Variants in CPS1 observed in about 807,000 individuals in gnomAD.
CPS1 encodes carbamoyl-phosphate synthase 1, also known as carbamoyl-phosphate synthase [ammonia], mitochondrial.
Under a neutral mutation model 174.6 loss-of-function variants are expected in CPS1, and 109 were observed. That is an observed-to-expected ratio of 0.62 (90% CI 0.53 to 0.73). CPS1 has a LOEUF of 0.73. CPS1 is among the 30% of genes least tolerant of loss of function. The probability of loss-of-function intolerance (pLI) is 0.00; values close to 1 mark genes in which losing one functional copy is unlikely to be tolerated. For synonymous variants in CPS1, 637 were observed against 632.0 expected, an observed-to-expected ratio of 1.01 and a Z score of -0.12; for missense variants, 1,689 against 1,821.9, an observed-to-expected ratio of 0.93 and a Z score of 1.33.
intron 1 of CPS1, among the ~76,000 whole-genome samples, chr2:210,567,133 C>T (rs1697329676): frequency 6.6e-6 from 1 of 152,068 alleles, no homozygotes; most frequent in Non-Finnish European, 1.5e-5. Context: ...GTCTACCAGA[C>T]ATGCTTAAGA....
chr2:210,505,363 G>A (rs1266188834), intron 1 of CPS1, among the ~76,000 whole-genome samples: 1 of 152,020 alleles, frequency 6.6e-6, no homozygotes, highest in Non-Finnish European at 1.5e-5. Flanking sequence ...AGAAAACAGT[G>A]ATAATCTCAA....
chr2:210,561,026 A>C (rs1467004502), intron 1 of CPS1, among the ~76,000 whole-genome samples: 1 of 152,188 alleles, frequency 6.6e-6, no homozygotes, highest in African/African-American at 2.4e-5. Flanking sequence ...TTGGCATGCA[A>C]TACTTCTCTA....
intron 1 of CPS1, among the ~76,000 whole-genome samples, chr2:210,497,891 T>TAC (rs200242153): frequency 2.7e-5 from 3 of 112,700 alleles, no homozygotes; most frequent in African/African-American, 1.0e-4. Context: ...AATATATACA[T>TAC]ACATATATAT....
chr2:210,514,653 T>C (rs1043065928), intron 1 of CPS1, among the ~76,000 whole-genome samples: 7 of 151,946 alleles, frequency 4.6e-5, no homozygotes, highest in Non-Finnish European at 1.0e-4. Flanking sequence ...TCTTTACCTA[T>C]TTGGATGCCT....
At chr2:210,508,533 C>A (rs550674059) in intron 1 of CPS1, among the ~76,000 whole-genome samples, 2,125 of 152,102 alleles carry the variant, frequency 0.014, 25 homozygotes, top group Non-Finnish European at 0.022. Flanking sequence ...AAGATCAGAG[C>A]AGAACTGAAG....
At chr2:210,610,133 C>T (rs1241213571) in intron 19 of CPS1, among the ~76,000 whole-genome samples, 1 of 151,912 alleles carries the variant, frequency 6.6e-6, no homozygotes, top group Non-Finnish European at 1.5e-5. Flanking sequence ...CCATGAAAAT[C>T]TATGTTGCTA....
intron 21 of CPS1, among the ~76,000 whole-genome samples, chr2:210,633,445 AG>A (rs1210719865): frequency 6.6e-6 from 1 of 152,178 alleles, no homozygotes; most frequent in Non-Finnish European, 1.5e-5. Context: ...TAGAGGCAGA[AG>A]ACTTTGTATA....
intron 37 of CPS1, 78 bp downstream of exon 37, chr2:210,677,214 C>A: frequency 7.4e-7 from 1 of 1,352,402 alleles, no homozygotes; most frequent in Non-Finnish European, 1.1e-6. Flanking sequence ...TCAGTAGATG[C>A]ACATCTCTCT....
chr2:210,650,319 A>AT, intron 27 of CPS1, 44 bp from the exon 28 acceptor site: 1 of 1,493,442 alleles, frequency 6.7e-7, no homozygotes, highest in Non-Finnish European at 9.3e-7. Context: ...CAAGTCTAGT[A>AT]TTAGCATAAA....
intron 32 of CPS1, among the ~76,000 whole-genome samples, chr2:210,661,346 A>G (rs1437460823): frequency 6.6e-6 from 1 of 152,222 alleles, no homozygotes; most frequent in Non-Finnish European, 1.5e-5. Flanking sequence ...CATGAGGATT[A>G]GTGATATATA....
chr2:210,532,405 C>T (rs1278359822), intron 1 of CPS1, among the ~76,000 whole-genome samples: 1 of 152,124 alleles, frequency 6.6e-6, no homozygotes, highest in Non-Finnish European at 1.5e-5. Flanking sequence ...TGGCTTTATA[C>T]TTAGCAGTTC....
chr2:210,648,133 A>C, intron 26 of CPS1, 76 bp downstream of exon 26: 1 of 1,416,410 alleles, frequency 7.1e-7, no homozygotes, highest in African/African-American at 1.4e-5. Context: ...CTGAATGTTG[A>C]CTATTGGATA....
At chr2:210,501,806 T>C (rs1695145672) in intron 1 of CPS1, among the ~76,000 whole-genome samples, 1 of 152,154 alleles carries the variant, frequency 6.6e-6, no homozygotes, top group Non-Finnish European at 1.5e-5. Flanking sequence ...AACCTCTGCC[T>C]GTTACCCACT....
intron 34 of CPS1, among the ~76,000 whole-genome samples, chr2:210,668,578 T>G (rs2105933639): frequency 6.6e-6 from 1 of 152,236 alleles, no homozygotes; most frequent in South Asian, 2.1e-4. Flanking sequence ...ATTCTTTGGT[T>G]TTGTCTTTTC....
chr2:210,554,593 G>C (rs1246222088), upstream of CPS1, among the ~76,000 whole-genome samples: 2 of 151,728 alleles, frequency 1.3e-5, no homozygotes, highest in East Asian at 3.9e-4. Context: ...CATTGCATGG[G>C]TACCTTAGGG....
In CPS1 at chr2:210,579,906, G is replaced by A. The variant is rs996188015; in HGVS notation, c.528+136G>A. ...AATCTGGCCAGCTTCTGCTATCTGG[G>A]TCTCTGTTATTTTGTTTTACTATTT... On this transcript the variant is annotated intron_variant, in intron 5 of 37. Coordinates refer to ENST00000233072, the MANE Select transcript of CPS1 (RefSeq NM_001875.5). 7 of 728,914 alleles carry A rather than the reference G, an allele frequency of 9.6e-6. No homozygotes were observed. The Admixed American group carries it at 1.3e-4, about 13-fold the overall frequency. 45.2% of individuals were successfully genotyped at this position (728,914 alleles called of 1,614,324 possible).
intron 12 of CPS1, 151 bp downstream of exon 12, chr2:210,594,757 T>C: frequency 1.5e-6 from 1 of 670,696 alleles, no homozygotes; most frequent in Non-Finnish European, 2.7e-6. Flanking sequence ...AACTAATTAT[T>C]TGGTTCCTTC....
At chr2:210,546,112 T>G (rs1696557819) in intron 1 of CPS1, among the ~76,000 whole-genome samples, 1 of 152,118 alleles carries the variant, frequency 6.6e-6, no homozygotes, top group African/African-American at 2.4e-5. Flanking sequence ...GAAAGGCTTC[T>G]CAAGAGGGAG....
chr2:210,557,896 C>T (rs929674328), intron 1 of CPS1, among the ~76,000 whole-genome samples: 4 of 151,834 alleles, frequency 2.6e-5, no homozygotes, highest in African/African-American at 9.7e-5. Context: ...TTGGTCCTGA[C>T]ACCTGCAAGG....
Sources: gnomAD v4.1 joint callset for allele counts (sites outside exome capture counted in the v4.1 genomes callset) on GRCh38, gnomAD v4.1.1 for gene constraint, MANE v1.5 for transcripts, NCBI Gene and HGNC (gene_info 2026-07-23, HGNC 2026-07-21) for gene names.